Variants in ANK3 observed in about 807,000 individuals in gnomAD.
ANK3 encodes the protein ankyrin-3.
A neutral mutation model predicts 370.9 loss-of-function variants in ANK3; 57 were observed. The ratio of observed to expected loss-of-function variants is 0.15; its 90% CI spans 0.12 to 0.19. ANK3 has a LOEUF of 0.19. Among genes scored for constraint, ANK3 ranks in the 10% least tolerant of loss-of-function variants. The pLI is 1.00. For missense variants in ANK3, 4,439 were observed against 5,302.1 expected (o/e 0.84, Z 5.06); for synonymous variants, 1,929 against 1,946.3 (o/e 0.99, Z 0.23).
At chr10:60,367,065 A>C (rs1358587878) in intron 1 of ANK3, among the ~76,000 whole-genome samples, 2 of 152,226 alleles carry the variant, frequency 1.3e-5, no homozygotes, top group Non-Finnish European at 2.9e-5. Context: ...ACCTTGTTAA[A>C]ATTTTCTGTT....
chr10:60,069,757 GGCT>G lies in ANK3; in HGVS notation c.11121_11123del (p.Ala3708del). ...TGGGGTCAACTTTAGAGGTGTTAGT[GGCT>G]GCTGCTGATTTCTCCAGGGAGCCAC... On this transcript the variant is annotated inframe_deletion, in exon 37 of 44. Coordinates refer to ENST00000280772, the MANE Select transcript of ANK3 (RefSeq NM_020987.5). 1 of 1,613,928 alleles carries G rather than the reference GGCT, an allele frequency of 6.2e-7. No homozygotes were observed. Among genetic ancestry groups the G allele is most frequent in the Non-Finnish European group, 8.5e-7 (1 of 1,179,974 alleles).
chr10:60,294,379 G>A (rs2042082425), intron 1 of ANK3, among the ~76,000 whole-genome samples: 1 of 152,124 alleles, frequency 6.6e-6, no homozygotes, highest in Non-Finnish European at 1.5e-5. Flanking sequence ...GGCACCAGAG[G>A]GAGAGGAGGC....
chr10:60,588,279 G>A (rs2077861636), intron 2 of ANK3, among the ~76,000 whole-genome samples: 1 of 150,624 alleles, frequency 6.6e-6, no homozygotes, highest in African/African-American at 2.4e-5. Context: ...CTGCCTCCCG[G>A]GTTCAAGCAA....
At chr10:60,137,557 TA>T (rs1565247543) in intron 24 of ANK3, among the ~76,000 whole-genome samples, 1 of 151,966 alleles carries the variant, frequency 6.6e-6, no homozygotes, top group Admixed American at 6.6e-5. Context: ...TATAGATTTT[TA>T]AAAAATATTT....
intron 23 of ANK3, among the ~76,000 whole-genome samples, chr10:60,154,357 A>AT (rs2095258211): frequency 6.6e-6 from 1 of 152,202 alleles, no homozygotes; most frequent in African/African-American, 2.4e-5. Flanking sequence ...TGATTAGGAA[A>AT]TTAGGGTAGC....
At chr10:60,379,894 T>G (rs2061330479) in intron 1 of ANK3, among the ~76,000 whole-genome samples, 1 of 152,066 alleles carries the variant, frequency 6.6e-6, no homozygotes, top group Non-Finnish European at 1.5e-5. Context: ...AATAAATGTT[T>G]GAGATGATAA....
intron 1 of ANK3, among the ~76,000 whole-genome samples, chr10:60,670,158 C>A (rs10821822): frequency 6.6e-6 from 1 of 152,012 alleles, no homozygotes; most frequent in African/African-American, 2.4e-5. Flanking sequence ...GCTGCAAATA[C>A]AATGAATATA....
At chr10:60,535,196 C>A (rs966566331) in intron 2 of ANK3, among the ~76,000 whole-genome samples, 1 of 152,080 alleles carries the variant, frequency 6.6e-6, no homozygotes, top group Non-Finnish European at 1.5e-5. Flanking sequence ...ATTTATTGGG[C>A]TCTAATGTTT....
chr10:60,397,777 C>A (rs556955402), intron 2 of ANK3, among the ~76,000 whole-genome samples: 8 of 152,036 alleles, frequency 5.3e-5, no homozygotes, highest in African/African-American at 1.9e-4. Flanking sequence ...ATCACAAGAA[C>A]GATTAAAGTT....
At chr10:60,200,828 T>C (rs959370589) in intron 12 of ANK3, among the ~76,000 whole-genome samples, 8 of 152,260 alleles carry the variant, frequency 5.3e-5, no homozygotes, top group Non-Finnish European at 7.3e-5. Flanking sequence ...ACAGCCGGTT[T>C]GCATTTCTTG....
At chr10:60,689,175 G>A (rs543087290) in intron 1 of ANK3, among the ~76,000 whole-genome samples, 38 of 152,290 alleles carry the variant, frequency 2.5e-4, no homozygotes, top group Admixed American at 2.5e-3. Flanking sequence ...CAAGGCAGGA[G>A]GAGTGCTTGA....
At chr10:60,685,125 G>A in intron 1 of ANK3, 2 of 881,492 alleles carry the variant, frequency 2.3e-6, no homozygotes, top group Non-Finnish European at 3.4e-6. Context: ...TCTCTGGTCT[G>A]ATTTTGACAA....
At chr10:60,157,327 G>A (rs1196615443) in intron 23 of ANK3, among the ~76,000 whole-genome samples, 2 of 142,944 alleles carry the variant, frequency 1.4e-5, no homozygotes, top group African/African-American at 2.6e-5. Flanking sequence ...GTGAGCCACT[G>A]TGCCCGGCTT....
At chr10:60,539,888 G>A (rs72821002) in intron 2 of ANK3, among the ~76,000 whole-genome samples, 1 of 151,818 alleles carries the variant, frequency 6.6e-6, no homozygotes, top group Non-Finnish European at 1.5e-5. Flanking sequence ...CTTATACCAC[G>A]AAGCTAATAT....
At chr10:60,090,212 G>C (rs532460359) in intron 28 of ANK3, among the ~76,000 whole-genome samples, 3 of 152,102 alleles carry the variant, frequency 2.0e-5, no homozygotes, top group Non-Finnish European at 2.9e-5. Flanking sequence ...TAGCTACTTG[G>C]GGTGCTGAGA....
At chr10:60,316,848 C>T (rs1443138644) in intron 1 of ANK3, among the ~76,000 whole-genome samples, 8 of 151,836 alleles carry the variant, frequency 5.3e-5, no homozygotes, top group South Asian at 2.1e-4. Context: ...CCCAGGTTCA[C>T]GCCATTCTCC....
intron 1 of ANK3, among the ~76,000 whole-genome samples, chr10:60,357,749 T>A (rs2057990055): frequency 6.6e-6 from 1 of 152,174 alleles, no homozygotes; most frequent in Non-Finnish European, 1.5e-5. Flanking sequence ...ACCCTCTTCA[T>A]TTTTCACTTC....
At chr10:60,464,159 G>A (rs936234926) in intron 2 of ANK3, among the ~76,000 whole-genome samples, 8 of 152,212 alleles carry the variant, frequency 5.3e-5, no homozygotes, top group Middle Eastern at 3.4e-3. Flanking sequence ...GGTGCTAATC[G>A]GTGCTGTTGT....
intron 2 of ANK3, chr10:60,572,445 G>A: frequency 6.5e-7 from 1 of 1,534,742 alleles, no homozygotes; most frequent in Non-Finnish European, 8.7e-7. Flanking sequence ...AAGAGAACAT[G>A]TTGCTTATTC....
Sources: allele counts gnomAD v4.1 joint callset (sites outside exome capture counted in the v4.1 genomes callset), GRCh38; gene constraint gnomAD v4.1.1; transcripts MANE v1.5; gene names NCBI Gene and HGNC (gene_info 2026-07-23, HGNC 2026-07-21).